MYH10: variants seen among roughly 807,000 people sequenced by gnomAD.
MYH10 encodes the protein myosin-10.
Under a neutral mutation model 257.8 loss-of-function variants are expected in MYH10, and 55 were observed. The ratio of observed to expected loss-of-function variants is 0.21; its 90% CI spans 0.17 to 0.27. The LOEUF (loss-of-function observed/expected upper bound fraction) is 0.27, where lower values mean the gene tolerates loss of function less well. Ranked by LOEUF, MYH10 falls within the 10% of genes least tolerant of loss-of-function variation. The probability of loss-of-function intolerance (pLI) is 1.00; values close to 1 mark genes in which losing one functional copy is unlikely to be tolerated. For synonymous variants in MYH10, 854 were observed against 921.7 expected, an observed-to-expected ratio of 0.93 and a Z score of 1.33; for missense variants, 1,631 against 2,500.6, an observed-to-expected ratio of 0.65 and a Z score of 7.42.
chr17:8,491,026 C>G (rs2151815071), intron 34 of MYH10, among the ~76,000 whole-genome samples: 1 of 152,346 alleles, frequency 6.6e-6, no homozygotes, highest in Admixed American at 6.5e-5. Context: ...GCACAGTACA[C>G]AGGCCTTGAT....
In MYH10 at chr17:8,490,237, G is replaced by T; in HGVS notation, c.4884+103C>A. On this transcript the variant is annotated intron_variant, in intron 35 of 42. Coordinates refer to ENST00000360416, the MANE Select transcript of MYH10 (RefSeq NM_001256012.3). This position sits in a 1 kb window ranked among gnomAD's most constrained non-coding sequence, Gnocchi z 4.1. ...CATTTTACTCTATGTGTTACTCTGT[G>T]TTTACTCAGATGTGTTCTAACACGA... 1 of 951,808 alleles carries T rather than the reference G, an allele frequency of 1.1e-6. No individual in the cohort carries two copies. The highest frequency in any genetic ancestry group is 1.7e-6 in the Non-Finnish European group (1 of 599,638). The allele number at this position is 951,808 out of a possible 1,614,324, so 59.0% of individuals were successfully genotyped here.
chr17:8,513,721 A>G (rs2081373168), intron 22 of MYH10, 52 bp from the exon 23 acceptor site: 1 of 1,607,658 alleles, frequency 6.2e-7, no homozygotes, highest in Middle Eastern at 1.7e-4. Flanking sequence ...GCTCTTTCCT[A>G]TGGGTTTTTC....
intron 10 of MYH10, 49 bp downstream of exon 10, chr17:8,548,595 A>G (rs765755726): frequency 7.5e-6 from 12 of 1,597,140 alleles, no homozygotes; most frequent in South Asian, 6.7e-5. Flanking sequence ...CCCCAGATGT[A>G]TAAGTCTTAG....
At chr17:8,573,747 T>G (rs1282674041) in intron 6 of MYH10, 1 of 675,010 alleles carries the variant, frequency 1.5e-6, no homozygotes, top group East Asian at 1.3e-4. Context: ...CATAGATAAA[T>G]GTTTATTTCA....
At chr17:8,629,282 A>C (rs2152117524) in intron 1 of MYH10, among the ~76,000 whole-genome samples, 1 of 152,192 alleles carries the variant, frequency 6.6e-6, no homozygotes, top group East Asian at 1.9e-4. Flanking sequence ...TATTCAGCGA[A>C]AACAGCAGTC....
Position 8,513,879 on chromosome 17 carries a change from C to T in MYH10, c.2520G>A (p.Lys840=). Residue 840 remains lysine (K), a synonymous_variant, in exon 22 of 43, where the codon AAG becomes AAA. Coordinates refer to ENST00000360416, the MANE Select transcript of MYH10 (RefSeq NM_001256012.3). ...CCTTTAAGGCACTTAGTTGCTGCTG[C>T]TTCTTGGCAAAGGCCCTGAAGAACA... The part of the protein sequence containing the change: ...GYLARKAFAK[K]QQQLSALKVL... 1 of 1,614,092 alleles carries T rather than the reference C, an allele frequency of 6.2e-7. No homozygotes were observed. The highest frequency in any genetic ancestry group is 1.1e-5 in the South Asian group (1 of 91,064).
intron 7 of MYH10, chr17:8,560,814 T>C (rs1205305216): frequency 1.7e-6 from 1 of 587,780 alleles, no homozygotes; most frequent in Non-Finnish European, 3.3e-6. Context: ...TTTTCACCTG[T>C]GTGGCCAAGA....
intron 7 of MYH10, among the ~76,000 whole-genome samples, chr17:8,564,749 T>G (rs1597841502): frequency 6.6e-6 from 1 of 152,246 alleles, no homozygotes; most frequent in African/African-American, 2.4e-5. Flanking sequence ...GAACCAAAGA[T>G]ACAAAGTCCC....
At position 8,508,291 on chromosome 17, in the gene MYH10, T is replaced by TG. The variant is rs559654838; in HGVS notation, c.3214+262dup. Reference sequence around the variant, plus strand: ...CTAATTTGTAAATTTTTTGTAGAGATGGAGTCTCACTATGCTGCCCAGGCT... The same window carrying TG: ...CTAATTTGTAAATTTTTTGTAGAGATGGGAGTCTCACTATGCTGCCCAGGCT... On this transcript the variant is annotated intron_variant, in intron 26 of 42. Coordinates refer to ENST00000360416, the MANE Select transcript of MYH10 (RefSeq NM_001256012.3). 2.8e-3 allele frequency among the ~76,000 whole-genome samples: 424 copies of TG among 152,156 alleles called. 1 individual carries two copies. The highest frequency in any genetic ancestry group is 9.9e-3 in the African/African-American group (412 of 41,494).
In MYH10 at chr17:8,487,288, C is replaced by A. The variant is rs901543592; in HGVS notation, c.5046+145G>T. 6.6e-6 allele frequency: 6 copies of A among 903,818 alleles called. No individual in the cohort carries two copies. The South Asian group carries it at 9.1e-5, about 14-fold the overall frequency. The allele number at this position is 903,818 out of a possible 1,614,324, so 56.0% of individuals were successfully genotyped here. On this transcript the variant is annotated intron_variant, in intron 36 of 42. Coordinates refer to ENST00000360416, the MANE Select transcript of MYH10 (RefSeq NM_001256012.3). Reference sequence around the variant, plus strand: ...ATCTCCTGTGGACACAGCGGACACACAAGCACTCTCTTTATGGCCTGCTGC... The same window carrying A: ...ATCTCCTGTGGACACAGCGGACACAAAAGCACTCTCTTTATGGCCTGCTGC...
Position 8,487,558 on chromosome 17 carries a change from T to G in MYH10, c.4921A>C (p.Lys1641Gln), listed in dbSNP as rs1567780808. ...GAAGCTACAGCAAGCGCCCGCTGTTTCCTCTCATCCTCCAGCTCCGCCTCG... is the reference window on the plus strand; with the variant it reads ...GAAGCTACAGCAAGCGCCCGCTGTTGCCTCTCATCCTCCAGCTCCGCCTCG... ...ELEAELEDER[K>Q]QRALAVASKK... The change falls in exon 36 of 43, where the codon AAA (lysine) becomes CAA (glutamine). Residue 1641 changes from lysine to glutamine, a missense_variant. Physicochemically the swap from Lys to Gln is moderately conservative, Grantham distance 53. Coordinates refer to ENST00000360416, the MANE Select transcript of MYH10 (RefSeq NM_001256012.3). The G allele has an allele frequency of 6.2e-7, 1 of 1,614,186 alleles. No homozygotes were observed. Among genetic ancestry groups the G allele is most frequent in the Admixed American group, 1.7e-5 (1 of 60,018 alleles).
At chr17:8,529,154 T>C (rs1002297427) in intron 17 of MYH10, among the ~76,000 whole-genome samples, 2 of 151,930 alleles carry the variant, frequency 1.3e-5, no homozygotes, top group African/African-American at 2.4e-5. Context: ...AGAGTGTCCG[T>C]GCTTTAGGTG....
At position 8,507,169 on chromosome 17, in the gene MYH10, T is replaced by C. The variant is rs117237755; in HGVS notation, c.3215-680A>G. Among the ~76,000 whole-genome samples the C allele has an allele frequency of 1.4e-3, 213 of 152,330 alleles. 1 individual carries two copies. In the Middle Eastern group the frequency reaches 0.027, roughly 19 times the overall value. ...GTAAAAAAGCACATGTGCTTATGGG[T>C]ACTTCCTCAGCAGAAGAACCATATA... On this transcript the variant is annotated intron_variant, in intron 26 of 42. Coordinates refer to ENST00000360416, the MANE Select transcript of MYH10 (RefSeq NM_001256012.3).
chr17:8,513,688 G>GTT lies in MYH10; in HGVS notation c.2614-21_2614-20dup, dbSNP rs34684979. The stretch of plus-strand genomic sequence containing the variant: ...GCTTCACCTATGACAAAATTAAGCA[G>GTT]TTTTTTTTTTTTTATCATTCCAGCT... On this transcript the variant is annotated intron_variant, in intron 22 of 42. Transcript: ENST00000360416. 2.4e-4 allele frequency: 363 copies of GTT among 1,511,206 alleles called. No individual in the cohort carries two copies. Among genetic ancestry groups the GTT allele is most frequent in the South Asian group, 5.2e-4 (43 of 82,992 alleles). The allele number at this position is 1,511,206 out of a possible 1,614,324, so 93.6% of individuals were successfully genotyped here.
chr17:8,480,172 G>A lies in MYH10; in HGVS notation c.5535C>T (p.Ala1845=). The A allele has an allele frequency of 6.2e-7, 1 of 1,614,154 alleles. No individual in the cohort carries two copies. The highest frequency in any genetic ancestry group is 8.5e-7 in the Non-Finnish European group (1 of 1,180,038). ...TCTTGGCCTCCAGGGCTGAGATGGT[G>A]GCCTTGAACTTAGACTTGACAGCAC... ...LEGAVKSKFK[A]TISALEAKIG... is the part of the protein sequence containing the mutation. The change falls in exon 40 of 43, where the codon GCC becomes GCT. Residue 1845 remains alanine, a synonymous_variant. Transcript: ENST00000360416.
At position 8,495,248 on chromosome 17, in the gene MYH10, G is replaced by A; in HGVS notation, c.3952-7C>T. On this transcript the variant is annotated splice_region_variant and splice_polypyrimidine_tract_variant and intron_variant, in intron 30 of 42. Transcript: ENST00000360416. Reference sequence around the variant, plus strand: ...AGACATTATCTAGCTCATTCTGTAAGGAGCAGAAGATTAAATTCAACTCAA... The same window carrying A: ...AGACATTATCTAGCTCATTCTGTAAAGAGCAGAAGATTAAATTCAACTCAA... 4 of 1,554,778 alleles carry A rather than the reference G, an allele frequency of 2.6e-6. No homozygotes were observed. The highest frequency in any genetic ancestry group is 3.5e-6 in the Non-Finnish European group (4 of 1,127,286).
Position 8,504,967 on chromosome 17 carries a change from A to C in MYH10, c.3387-61T>G. ...ATGGCACCCGGATGGCCTGTTTCTC[A>C]GGCGAGCCCCAGCCCCTGAGCACCT... On this transcript the variant is annotated intron_variant, in intron 27 of 42. Coordinates refer to ENST00000360416, the MANE Select transcript of MYH10 (RefSeq NM_001256012.3). This position sits in a 1 kb window ranked among gnomAD's most constrained non-coding sequence, Gnocchi z 5.6. The C allele has an allele frequency of 3.5e-6, 5 of 1,442,676 alleles. No individual in the cohort carries two copies. Among genetic ancestry groups the C allele is most frequent in the Non-Finnish European group, 3.9e-6 (4 of 1,030,850 alleles). The allele number at this position is 1,442,676 out of a possible 1,614,324, so 89.4% of individuals were successfully genotyped here.
chr17:8,603,315 C>G (rs1366797109), intron 3 of MYH10, among the ~76,000 whole-genome samples: 1 of 152,188 alleles, frequency 6.6e-6, no homozygotes, highest in South Asian at 2.1e-4. Context: ...TAGATCTGGT[C>G]AACCTCAGTC....
chr17:8,628,226 T>C (rs562527153), intron 1 of MYH10, among the ~76,000 whole-genome samples: 4 of 152,308 alleles, frequency 2.6e-5, no homozygotes, highest in African/African-American at 9.6e-5. Context: ...GGGTTATTAG[T>C]GTCATTTTAA....
Sources: allele counts gnomAD v4.1 joint callset (sites outside exome capture counted in the v4.1 genomes callset), GRCh38; gene constraint gnomAD v4.1.1; non-coding constraint Gnocchi (gnomAD v3.1); transcripts MANE v1.5; gene names NCBI Gene and HGNC (gene_info 2026-07-23, HGNC 2026-07-21).